ATP5F1C: variants seen among roughly 807,000 people sequenced by gnomAD.
ATP5F1C encodes the protein ATP synthase F1 subunit gamma, also known as ATP synthase F(1) complex subunit gamma, mitochondrial.
ATP5F1C carries 22 observed loss-of-function variants against 37.4 expected under a neutral mutation model. The observed-to-expected ratio is 0.59, with a 90% CI of 0.42 to 0.84. The LOEUF is 0.84. ATP5F1C is among the 40% of genes least tolerant of loss of function. The pLI is 0.00. For missense variants in ATP5F1C, 286 were observed against 362.4 expected (o/e 0.79, Z 1.71); for synonymous variants, 121 against 128.0 (o/e 0.95, Z 0.37).
intron 3 of ATP5F1C, 61 bp downstream of exon 3, chr10:7,797,239 A>G (rs551536860): frequency 3.3e-5 from 52 of 1,587,120 alleles, no homozygotes; most frequent in Admixed American, 2.8e-4. Flanking sequence ...AAGACTACTG[A>G]TGACTTACAT....
intron 1 of ATP5F1C, among the ~76,000 whole-genome samples, chr10:7,792,967 C>G (rs960515607): frequency 7.2e-5 from 11 of 152,328 alleles, no homozygotes; most frequent in Non-Finnish European, 1.3e-4. Context: ...TCCTTTTGCT[C>G]CACATCCTCA....
intron 1 of ATP5F1C, among the ~76,000 whole-genome samples, chr10:7,795,133 C>CT (rs1252282350): frequency 6.6e-6 from 1 of 152,096 alleles, no homozygotes; most frequent in Non-Finnish European, 1.5e-5. Context: ...AACCAATTTG[C>CT]TTTTTTTGAT....
In ATP5F1C at chr10:7,799,504, G is replaced by A. The variant is rs2131068047; in HGVS notation, c.429-268G>A. ...GGCATCTGAGGAGCTGTTACAGCCT[G>A]GAAATGTTAGCAATAGTTCATTAGG... On this transcript the variant is annotated intron_variant, in intron 4 of 9. Coordinates refer to ENST00000356708, the MANE Select transcript of ATP5F1C (RefSeq NM_001001973.3). 3 of 559,304 alleles carry A rather than the reference G, an allele frequency of 5.4e-6. No individual in the cohort carries two copies. The East Asian group carries it at 9.0e-5, about 17-fold the overall frequency. The allele number at this position is 559,304 out of a possible 1,614,324, so 34.6% of individuals were successfully genotyped here. A position where few individuals can be genotyped will look rare whatever the true frequency, so the allele number is the denominator to read the frequency against.
chr10:7,793,096 T>C (rs1836187489), intron 1 of ATP5F1C, among the ~76,000 whole-genome samples: 2 of 152,154 alleles, frequency 1.3e-5, no homozygotes, highest in Admixed American at 1.3e-4. Flanking sequence ...CTTATGTGCT[T>C]TTTGCCATCT....
At chr10:7,799,335 G>C (rs1399055849) in intron 4 of ATP5F1C, 141 bp downstream of exon 4, 1 of 711,264 alleles carries the variant, frequency 1.4e-6, no homozygotes, top group Admixed American at 2.8e-5. Context: ...TTCACAAGGG[G>C]GTGTTTGTTT....
At position 7,807,030 on chromosome 10, in the gene ATP5F1C, C is replaced by G; in HGVS notation, c.*30+20C>G. The G allele has an allele frequency of 6.2e-7, 1 of 1,600,526 alleles. No homozygotes were observed. Among genetic ancestry groups the G allele is most frequent in the Non-Finnish European group, 8.6e-7 (1 of 1,169,402 alleles). On this transcript the variant is annotated intron_variant, in intron 9 of 9. Transcript: ENST00000356708. ...CAAGAGGTAAAGTTCACACATTCTT[C>G]CCATGTCTGTTCAGAAAAGAAACCT...
At chr10:7,800,209 T>A in intron 6 of ATP5F1C, 118 bp downstream of exon 6, 1 of 1,088,068 alleles carries the variant, frequency 9.2e-7, no homozygotes, top group Non-Finnish European at 1.4e-6. Flanking sequence ...TGGGGCTGTT[T>A]CTTTTTTAGA....
intron 4 of ATP5F1C, chr10:7,799,442 T>C: frequency 1.8e-6 from 1 of 559,970 alleles, no homozygotes; most frequent in South Asian, 2.2e-5. Flanking sequence ...TTGAATGCCA[T>C]GTGAATATCA....
chr10:7,791,895 T>G (rs1197110148), intron 1 of ATP5F1C, among the ~76,000 whole-genome samples: 9 of 152,240 alleles, frequency 5.9e-5, no homozygotes, highest in Non-Finnish European at 1.0e-4. Flanking sequence ...ATGCTACCTC[T>G]TCATACCTCT....
intron 1 of ATP5F1C, among the ~76,000 whole-genome samples, chr10:7,791,556 G>A (rs1189849212): frequency 2.0e-5 from 3 of 152,030 alleles, no homozygotes; most frequent in African/African-American, 4.8e-5. Flanking sequence ...CACTGCCTTC[G>A]TCAGCTGTTA....
At chr10:7,796,624 A>T (rs1460374675) in intron 2 of ATP5F1C, 1 of 150,404 alleles carries the variant, frequency 6.6e-6, no homozygotes, top group Non-Finnish European at 1.4e-5. Context: ...TCATTCTATC[A>T]CCCAGGCTGG....
intron 6 of ATP5F1C, 172 bp from the exon 7 acceptor site, chr10:7,802,098 C>A: frequency 1.6e-6 from 1 of 637,950 alleles, no homozygotes; most frequent in Non-Finnish European, 2.5e-6. Context: ...TAAAAATATG[C>A]TATCATCTGT....
At chr10:7,789,477 TG>T (rs1245550700) in intron 1 of ATP5F1C, among the ~76,000 whole-genome samples, 1 of 152,130 alleles carries the variant, frequency 6.6e-6, no homozygotes, top group African/African-American at 2.4e-5. Flanking sequence ...AGAACATTCA[TG>T]GGAATTAAAA....
At chr10:7,804,444 C>T (rs1729075990) in intron 8 of ATP5F1C, among the ~76,000 whole-genome samples, 1 of 152,208 alleles carries the variant, frequency 6.6e-6, no homozygotes, top group Admixed American at 6.5e-5. Context: ...TTTCTCGCGG[C>T]CAGGGAGTGG....
At chr10:7,795,016 C>G (rs1352791078) in intron 1 of ATP5F1C, among the ~76,000 whole-genome samples, 1 of 152,210 alleles carries the variant, frequency 6.6e-6, no homozygotes, top group Admixed American at 6.5e-5. Flanking sequence ...AAAACTCCAA[C>G]CTCATTTTAC....
Position 7,799,050 on chromosome 10 carries a change from G to C in ATP5F1C, c.284G>C (p.Gly95Ala), listed in dbSNP as rs1247961124. 7 of 1,612,760 alleles carry C rather than the reference G, an allele frequency of 4.3e-6. No individual in the cohort carries two copies. Among genetic ancestry groups the C allele is most frequent in the Non-Finnish European group, 5.9e-6 (7 of 1,179,878 alleles). Residue 95 changes from glycine to alanine, a missense_variant, in exon 4 of 10, where the codon GGT becomes GCT. Physicochemically the swap from Gly to Ala is moderately conservative, Grantham distance 60. Coordinates refer to ENST00000356708, the MANE Select transcript of ATP5F1C (RefSeq NM_001001973.3). ...PEDKKKHLLI[G>A]VSSDRGLCGA... ...GACAAGAAGAAACACCTCCTTATTG[G>C]TGTGTCCTCAGATCGAGGACTGTGT...
Position 7,802,750 on chromosome 10 carries a change from G to A in ATP5F1C, c.794-8G>A. On this transcript the variant is annotated splice_region_variant and splice_polypyrimidine_tract_variant and intron_variant, in intron 7 of 9. Transcript: ENST00000356708. ...ATTTTTTATGTAGTGTTTTTGTTTT[G>A]TTTGTAGCTGAGATGATTGACAAAT... 6.2e-7 allele frequency: 1 copy of A among 1,609,868 alleles called. No individual in the cohort carries two copies. Among genetic ancestry groups the A allele is most frequent in the Admixed American group, 1.7e-5 (1 of 59,118 alleles).
intron 3 of ATP5F1C, among the ~76,000 whole-genome samples, chr10:7,798,610 G>A (rs182117594): frequency 4.2e-4 from 64 of 152,232 alleles, no homozygotes; most frequent in African/African-American, 1.5e-3. Context: ...GGGTTTCACC[G>A]TGGTCTTGAT....
chr10:7,803,486 G>C (rs550632122), intron 8 of ATP5F1C, among the ~76,000 whole-genome samples: 4 of 151,934 alleles, frequency 2.6e-5, no homozygotes, highest in African/African-American at 7.2e-5. Context: ...TTGTTGTATT[G>C]GTTTTTGTTT....
Sources: allele counts gnomAD v4.1 joint callset (sites outside exome capture counted in the v4.1 genomes callset), GRCh38; gene constraint gnomAD v4.1.1; transcripts MANE v1.5; gene names NCBI Gene and HGNC (gene_info 2026-07-23, HGNC 2026-07-21).